Variants in UNC93A observed in about 807,000 individuals in gnomAD.
UNC93A encodes the protein N-acetylglucosamine transporter UNC93A.
A neutral mutation model predicts 47.5 loss-of-function variants in UNC93A; 43 were observed. The observed-to-expected ratio is 0.91, with a 90% CI of 0.71 to 1.17. The LOEUF is 1.17. Ranked by LOEUF, UNC93A falls within the 50% of genes most tolerant of loss-of-function variation. UNC93A has a pLI of 0.00. For synonymous variants in UNC93A, 280 were observed against 258.0 expected, an observed-to-expected ratio of 1.09 and a Z score of -0.82; for missense variants, 605 against 577.6, an observed-to-expected ratio of 1.05 and a Z score of -0.49.
In UNC93A at chr6:167,309,348, G is replaced by A. The variant is rs934438803; in HGVS notation, c.1108+1438G>A. ...GCTTGCCGGAGGGTGTGCGTACTGG[G>A]TGGTGTTGAAAATGACACAGATGAG... On this transcript the variant is annotated intron_variant, in intron 7 of 7. Coordinates refer to ENST00000230256, the MANE Select transcript of UNC93A (RefSeq NM_018974.4). 2.6e-5 allele frequency among the ~76,000 whole-genome samples: 4 copies of A among 152,130 alleles called. No individual in the cohort carries two copies. In the South Asian group the frequency reaches 6.2e-4, roughly 24 times the overall value.
At chr6:167,311,893 C>G (rs889187064) in intron 7 of UNC93A, among the ~76,000 whole-genome samples, 17 of 147,374 alleles carry the variant, frequency 1.2e-4, no homozygotes, top group Admixed American at 1.1e-3. Flanking sequence ...CACAGAGCCA[C>G]GGCACATTCG....
chr6:167,305,589 G>A (rs1778363750), intron 5 of UNC93A, among the ~76,000 whole-genome samples: 2 of 152,080 alleles, frequency 1.3e-5, no homozygotes, highest in African/African-American at 4.8e-5. Flanking sequence ...AGACCTAACA[G>A]GTAATGATTG....
At chr6:167,304,957 C>T (rs13198321) in intron 5 of UNC93A, among the ~76,000 whole-genome samples, 38,927 of 152,140 alleles carry the variant, frequency 0.26, 5,060 homozygotes, top group Middle Eastern at 0.31. Context: ...ACCTTCTCCC[C>T]TCAAGGTGAG....
At chr6:167,270,092 T>C (rs189706204), upstream of UNC93A, among the ~76,000 whole-genome samples, 2,593 of 143,670 alleles carry the variant, frequency 0.018, 48 homozygotes, top group East Asian at 0.07. Flanking sequence ...TGGTCCGGAG[T>C]CCCCACCCCA....
At chr6:167,287,167 C>G (rs1377100969), upstream of UNC93A, among the ~76,000 whole-genome samples, 1 of 151,600 alleles carries the variant, frequency 6.6e-6, no homozygotes, top group Non-Finnish European at 1.5e-5. Flanking sequence ...CCTCAGCTGT[C>G]CAATCACAGC....
At chr6:167,298,974 C>G (rs1038320206) in intron 4 of UNC93A, among the ~76,000 whole-genome samples, 12 of 151,402 alleles carry the variant, frequency 7.9e-5, no homozygotes, top group African/African-American at 2.2e-4. Flanking sequence ...ATTAGCTGAG[C>G]GAGCATGGTG....
intron 1 of UNC93A, among the ~76,000 whole-genome samples, chr6:167,280,324 A>AG (rs1413760929): frequency 6.6e-6 from 1 of 152,252 alleles, no homozygotes; most frequent in East Asian, 1.9e-4. Context: ...TTTGTTAATG[A>AG]GGGGGAAAAT....
intron 1 of UNC93A, among the ~76,000 whole-genome samples, chr6:167,278,913 A>G (rs369927501): frequency 3.3e-5 from 5 of 152,368 alleles, no homozygotes; most frequent in African/African-American, 9.6e-5. Flanking sequence ...GTTGTCATCC[A>G]TGTGATTAGC....
At chr6:167,288,813 C>T (rs576899470), upstream of UNC93A, among the ~76,000 whole-genome samples, 2 of 152,284 alleles carry the variant, frequency 1.3e-5, no homozygotes, top group Admixed American at 1.3e-4. Flanking sequence ...CTGTGGTGAA[C>T]TCAGCCGTAG....
chr6:167,303,811 A>C, intron 4 of UNC93A, 108 bp from the exon 5 acceptor site: 1 of 1,053,276 alleles, frequency 9.5e-7, no homozygotes, highest in Non-Finnish European at 1.4e-6. Context: ...TCTGGATCTG[A>C]ATTAGCCCTC....
intron 1 of UNC93A, among the ~76,000 whole-genome samples, chr6:167,284,926 C>T (rs1419253429): frequency 6.6e-6 from 1 of 152,100 alleles, no homozygotes; most frequent in African/African-American, 2.4e-5. Flanking sequence ...CAACCCCAGA[C>T]CCCTGGTGGT....
chr6:167,289,936 C>G (rs1285841773), upstream of UNC93A, among the ~76,000 whole-genome samples: 1 of 152,180 alleles, frequency 6.6e-6, no homozygotes, highest in African/African-American at 2.4e-5. Flanking sequence ...AAAATATCAT[C>G]TTAGTCAATT....
upstream of UNC93A, among the ~76,000 whole-genome samples, chr6:167,287,559 G>A (rs886803448): frequency 1.3e-5 from 2 of 152,188 alleles, no homozygotes; most frequent in Non-Finnish European, 2.9e-5. Context: ...ACATTAGGAA[G>A]GATGCCTGGC....
Position 167,303,944 on chromosome 6 carries a change from G to T in UNC93A, c.651G>T (p.Met217Ile), listed in dbSNP as rs757208976. 6.2e-7 allele frequency: 1 copy of T among 1,613,646 alleles called. No homozygotes were observed. Among genetic ancestry groups the T allele is most frequent in the East Asian group, 2.2e-5 (1 of 44,900 alleles). The stretch of plus-strand genomic sequence containing the variant: ...GGAGTGGTGTCCTGGCTGTCCTGAT[G>T]ATAGCTGCGTTCCTCCAACCCATAC... Reference protein sequence around the residue: ...YTGSGVLAVLMIAAFLQPIRD... With the variant: ...YTGSGVLAVLIIAAFLQPIRD... Residue 217 changes from methionine to isoleucine, a missense_variant, in exon 5 of 8, where the codon ATG (methionine) becomes ATT (isoleucine). Coordinates refer to ENST00000230256, the MANE Select transcript of UNC93A (RefSeq NM_018974.4).
chr6:167,288,452 ACACACACAC>A (rs761471579), upstream of UNC93A, among the ~76,000 whole-genome samples: 228 of 69,772 alleles, frequency 3.3e-3, no homozygotes, highest in Middle Eastern at 0.014. Context: ...TCTTCCTTAC[ACACACACAC>A]ACACACACAC....
chr6:167,301,353 A>G (rs1436398870), intron 4 of UNC93A, among the ~76,000 whole-genome samples: 1 of 152,220 alleles, frequency 6.6e-6, no homozygotes, highest in Non-Finnish European at 1.5e-5. Context: ...TGGTCTTACT[A>G]TTGTGATTGT....
At chr6:167,287,855 A>G (rs1783768258), upstream of UNC93A, among the ~76,000 whole-genome samples, 1 of 152,164 alleles carries the variant, frequency 6.6e-6, no homozygotes, top group Non-Finnish European at 1.5e-5. Flanking sequence ...GGGCTCACCT[A>G]GCGTTGCCGC....
upstream of UNC93A, among the ~76,000 whole-genome samples, chr6:167,288,052 G>T (rs1178772851): frequency 6.6e-6 from 1 of 152,312 alleles, no homozygotes; most frequent in East Asian, 1.9e-4. Flanking sequence ...CTGAGAGAAA[G>T]ACCCAGAATC....
At chr6:167,294,406 G>C in intron 1 of UNC93A, 111 bp from the exon 2 acceptor site, 1 of 1,298,594 alleles carries the variant, frequency 7.7e-7, no homozygotes, top group Non-Finnish European at 1.1e-6. Flanking sequence ...TGTGGCTGGC[G>C]GTTCCTGGGA....
Sources: allele counts gnomAD v4.1 joint callset (sites outside exome capture counted in the v4.1 genomes callset), GRCh38; gene constraint gnomAD v4.1.1; transcripts MANE v1.5; gene names NCBI Gene and HGNC (gene_info 2026-07-23, HGNC 2026-07-21).